Variants in CFAP206 observed in about 807,000 individuals in gnomAD.
CFAP206 encodes the protein cilia- and flagella-associated protein 206.
Under a neutral mutation model 65.4 loss-of-function variants are expected in CFAP206, and 53 were observed. That is an observed-to-expected ratio of 0.81 (90% CI 0.65 to 1.02). The LOEUF (loss-of-function observed/expected upper bound fraction) is 1.02. Among genes scored for constraint, CFAP206 ranks in the 50% least tolerant of loss-of-function variants. The pLI, the probability that CFAP206 is intolerant of heterozygous loss-of-function variation, is 0.00. For synonymous variants in CFAP206, 250 were observed against 254.4 expected (o/e 0.98, Z 0.17); for missense variants, 663 against 753.2 (o/e 0.88, Z 1.40).
intron 12 of CFAP206, among the ~76,000 whole-genome samples, chr6:87,463,329 T>G (rs1478326904): frequency 6.6e-6 from 1 of 152,230 alleles, no homozygotes; most frequent in East Asian, 1.9e-4. Context: ...GGGAGTAGTT[T>G]CGGTTCTCAG....
intron 7 of CFAP206, 32 bp downstream of exon 7, chr6:87,418,448 T>A (rs768639707): frequency 6.3e-7 from 1 of 1,580,018 alleles, no homozygotes. Flanking sequence ...TGACCTTTTC[T>A]ATATAATGCA....
intron 11 of CFAP206, among the ~76,000 whole-genome samples, chr6:87,446,181 T>G (rs1768438118): frequency 6.6e-6 from 1 of 152,210 alleles, no homozygotes; most frequent in Non-Finnish European, 1.5e-5. Context: ...TAGTTTATTT[T>G]GCTGCGCAGA....
chr6:87,441,492 A>C (rs1768360082), intron 11 of CFAP206: 1 of 159,350 alleles, frequency 6.3e-6, no homozygotes, highest in Admixed American at 6.5e-5. Flanking sequence ...AAATACCCAC[A>C]AGGATTTAAC....
chr6:87,416,962 A>T, intron 6 of CFAP206, 135 bp downstream of exon 6: 2 of 748,668 alleles, frequency 2.7e-6, no homozygotes, highest in Non-Finnish European at 4.2e-6. Context: ...TTCCTTAAGA[A>T]TAACTACTGT....
chr6:87,430,961 C>A, intron 9 of CFAP206, 72 bp from the exon 10 acceptor site: 1 of 1,391,148 alleles, frequency 7.2e-7, no homozygotes, highest in Non-Finnish European at 1.0e-6. Context: ...TTAGAATGAG[C>A]TACTGCTGAT....
chr6:87,434,492 TTTTC>T lies in CFAP206; in HGVS notation c.1301-364_1301-361del, dbSNP rs1314774285. Among the ~76,000 whole-genome samples, 3 of 131,470 alleles carry T rather than the reference TTTTC, an allele frequency of 2.3e-5. No individual in the cohort carries two copies. In the Admixed American group the frequency reaches 2.6e-4, roughly 11 times the overall value. The allele number at this position is 131,470 out of a possible 152,430, so 86.2% of individuals were successfully genotyped here. A position where few individuals can be genotyped will look rare whatever the true frequency, so the allele number is the denominator to read the frequency against. ...ACAAACACAGAGTAACAATATTTCT[TTTTC>T]TTTTTCTTTTTTTTTTTTTTTGAGA... On this transcript the variant is annotated intron_variant, in intron 10 of 12. Coordinates refer to ENST00000369562, the MANE Select transcript of CFAP206 (RefSeq NM_001031743.3).
intron 10 of CFAP206, among the ~76,000 whole-genome samples, chr6:87,432,131 A>C (rs575408320): frequency 1.4e-3 from 210 of 152,312 alleles, no homozygotes; most frequent in Non-Finnish European, 2.5e-3. Flanking sequence ...TTACGCCATT[A>C]ACCTTATTTT....
At chr6:87,455,768 T>C (rs1768628960) in intron 11 of CFAP206, among the ~76,000 whole-genome samples, 1 of 151,934 alleles carries the variant, frequency 6.6e-6, no homozygotes. Context: ...CCAGAAGAAA[T>C]AAATTCATAG....
At position 87,418,357 on chromosome 6, in the gene CFAP206, A is replaced by G. The variant is rs918412574; in HGVS notation, c.781A>G (p.Met261Val). ...CATGAGGGCTGAACTTCAGCCATATATGTTAAAAGAAGCGCTATATAATAT... is the reference window on the plus strand; with the variant it reads ...CATGAGGGCTGAACTTCAGCCATATGTGTTAAAAGAAGCGCTATATAATAT... ...PLMRAELQPY[M>V]LKEALYNIRQ... is the part of the protein sequence containing the mutation. The change falls in exon 7 of 13, where the codon ATG becomes GTG. Residue 261 changes from methionine to valine, a missense_variant. Met to Val is a conservative substitution (Grantham distance 21). Transcript: ENST00000369562. 6.2e-7 allele frequency: 1 copy of G among 1,614,178 alleles called. No individual in the cohort carries two copies. Among genetic ancestry groups the G allele is most frequent in the Non-Finnish European group, 8.5e-7 (1 of 1,180,034 alleles).
At position 87,427,082 on chromosome 6, in the gene CFAP206, G is replaced by A. The variant is rs1368160462; in HGVS notation, c.960+437G>A. On this transcript the variant is annotated intron_variant, in intron 8 of 12. Coordinates refer to ENST00000369562, the MANE Select transcript of CFAP206 (RefSeq NM_001031743.3). ...TCTGCACCATTTTATGGACAAACCT[G>A]GCAAACCTTATCTGGATAAGGAGGT... 3.9e-5 allele frequency among the ~76,000 whole-genome samples: 6 copies of A among 152,126 alleles called. No individual in the cohort carries two copies. In the East Asian group the frequency reaches 1.2e-3, roughly 29 times the overall value.
chr6:87,419,969 T>A (rs567712683), intron 7 of CFAP206, among the ~76,000 whole-genome samples: 3 of 152,066 alleles, frequency 2.0e-5, no homozygotes, highest in African/African-American at 7.2e-5. Context: ...CCCAGCTACT[T>A]GGGAGGCTAA....
chr6:87,446,422 TG>T (rs767486187), intron 11 of CFAP206, among the ~76,000 whole-genome samples: 94 of 152,372 alleles, frequency 6.2e-4, no homozygotes, highest in Admixed American at 3.2e-3. Flanking sequence ...TTCAATTTTC[TG>T]CATATGGCTA....
chr6:87,410,685 C>T lies in CFAP206; in HGVS notation c.192+17C>T. On this transcript the variant is annotated intron_variant, in intron 3 of 12. Transcript: ENST00000369562. ...CTTGTTAAGGTGATTACCCAACAGT[C>T]CTCAAATTTGCAATTACTTATTCTC... is the stretch of plus-strand genomic sequence containing the variant. 6.3e-7 allele frequency: 1 copy of T among 1,596,288 alleles called. No homozygotes were observed. Among genetic ancestry groups the T allele is most frequent in the South Asian group, 1.1e-5 (1 of 90,218 alleles).
chr6:87,420,327 T>G (rs1394826476), intron 7 of CFAP206, among the ~76,000 whole-genome samples: 2 of 152,242 alleles, frequency 1.3e-5, no homozygotes, highest in Non-Finnish European at 2.9e-5. Context: ...ACTGTAAGGA[T>G]GTTGCAGAAG....
intron 11 of CFAP206, among the ~76,000 whole-genome samples, chr6:87,443,748 A>G (rs1311182481): frequency 6.6e-6 from 1 of 152,100 alleles, no homozygotes; most frequent in Non-Finnish European, 1.5e-5. Context: ...ATAGTACCCA[A>G]CAGTTTTTCA....
intron 1 of CFAP206, among the ~76,000 whole-genome samples, chr6:87,409,532 T>A (rs1767692505): frequency 6.8e-6 from 1 of 146,274 alleles, no homozygotes; most frequent in Non-Finnish European, 1.5e-5. Context: ...TTTTTTTTTT[T>A]TTTTAATTAA....
chr6:87,463,873 A>G (rs771749193), intron 12 of CFAP206, 147 bp from the exon 13 acceptor site: 67 of 520,472 alleles, frequency 1.3e-4, no homozygotes, highest in Middle Eastern at 5.1e-4. Flanking sequence ...AGATTTTCCA[A>G]TGTTTTATAG....
chr6:87,413,668 A>G, intron 3 of CFAP206, 142 bp from the exon 4 acceptor site: 1 of 566,358 alleles, frequency 1.8e-6, no homozygotes. Flanking sequence ...GTCCTCAAGG[A>G]GAAAAAAAAA....
Position 87,464,402 on chromosome 6 carries a change from GT to G in CFAP206, c.*156del, listed in dbSNP as rs1768793681. Reference sequence around the variant, plus strand: ...TTGGGTTCCCATATTTTATCAAACTGTTTTCTGTAACACATTTTTCATTCTG... The same window carrying G: ...TTGGGTTCCCATATTTTATCAAACTGTTTCTGTAACACATTTTTCATTCTG... On this transcript the variant is annotated 3_prime_UTR_variant, in exon 13 of 13. Transcript: ENST00000369562. 1 of 476,044 alleles carries G rather than the reference GT, an allele frequency of 2.1e-6. No homozygotes were observed. The highest frequency in any genetic ancestry group is 3.2e-5 in the East Asian group (1 of 31,660). 29.5% of individuals were successfully genotyped at this position (476,044 alleles called of 1,614,324 possible).
Sources: allele counts gnomAD v4.1 joint callset (sites outside exome capture counted in the v4.1 genomes callset), GRCh38; gene constraint gnomAD v4.1.1; transcripts MANE v1.5; gene names NCBI Gene and HGNC (gene_info 2026-07-23, HGNC 2026-07-21).